The following SON variants were observed in gnomAD, a reference collection of about 807,000 sequenced individuals.
SON encodes protein SON.
Under a neutral mutation model 173.3 loss-of-function variants are expected in SON, and 4 were observed. The ratio of observed to expected loss-of-function variants is 0.02; its 90% CI spans 0.01 to 0.05. The LOEUF (loss-of-function observed/expected upper bound fraction) is 0.05, where lower values mean the gene tolerates loss of function less well. Among genes scored for constraint, SON ranks in the 10% least tolerant of loss-of-function variants. The pLI, the probability that SON is intolerant of heterozygous loss-of-function variation, is 1.00. For missense variants in SON, 2,626 were observed against 3,055.3 expected (o/e 0.86, Z 3.31); for synonymous variants, 1,190 against 1,105.9 (o/e 1.08, Z -1.51).
intron 6 of SON, 140 bp from the exon 7 acceptor site, chr21:33,567,017 C>T (rs2086187250): frequency 3.9e-6 from 2 of 510,884 alleles, no homozygotes; most frequent in South Asian, 4.0e-5. Flanking sequence ...CTTTCTGAGT[C>T]TTCTCCCTGT....
In SON at chr21:33,554,263, G is replaced by C. The variant is rs1185259092; in HGVS notation, c.5032G>C (p.Asp1678His). The change falls in exon 3 of 12, where the codon GAT (aspartate) becomes CAT (histidine). Residue 1678 changes from aspartate (D) to histidine (H), a missense_variant. Transcript: ENST00000356577. ...LPSNNNLVSK[D>H]TEEPLPVKES... is the part of the protein sequence containing the mutation. ...ATCTAATAATAACCTTGTTAGTAAG[G>C]ATACAGAAGAACCATTACCTGTAAA... The C allele has an allele frequency of 1.2e-6, 2 of 1,614,088 alleles. No individual in the cohort carries two copies. The highest frequency in any genetic ancestry group is 2.2e-5 in the South Asian group (2 of 91,082).
At chr21:33,570,323 A>G (rs1186791704) in intron 8 of SON, 2 of 152,158 alleles carry the variant, frequency 1.3e-5, no homozygotes, top group African/African-American at 4.8e-5. Context: ...AAAATGAGAC[A>G]TTGGTTGCTT....
Position 33,551,243 on chromosome 21 carries a change from A to G in SON, c.2012A>G (p.Gln671Arg). ...GAGCTGTCAACGATGACCGTGTCGC[A>G]GTCCCTGGAGGTGCCCTCGACGACA... ...TSELSTMTVS[Q>R]SLEVPSTTAL... is the part of the protein sequence containing the mutation. Residue 671 changes from glutamine to arginine, a missense_variant, in exon 3 of 12, where the codon CAG becomes CGG. Gln to Arg is a conservative substitution (Grantham distance 43). Transcript: ENST00000356577. 1 of 1,614,036 alleles carries G rather than the reference A, an allele frequency of 6.2e-7. No individual in the cohort carries two copies. The highest frequency in any genetic ancestry group is 1.3e-5 in the African/African-American group (1 of 74,996).
intron 1 of SON, chr21:33,543,405 C>G: frequency 1.7e-6 from 1 of 571,476 alleles, no homozygotes; most frequent in Non-Finnish European, 3.1e-6. Context: ...TGTTTCAGAA[C>G]CGAGTTAAGA....
intron 8 of SON, among the ~76,000 whole-genome samples, chr21:33,571,033 T>C (rs1281061324): frequency 2.6e-5 from 4 of 152,218 alleles, no homozygotes; most frequent in African/African-American, 9.6e-5. Flanking sequence ...AAATGTTTAG[T>C]AGCACCTTGA....
At position 33,551,960 on chromosome 21, in the gene SON, C is replaced by T; in HGVS notation, c.2729C>T (p.Ser910Phe). The T allele has an allele frequency of 6.2e-7, 1 of 1,614,142 alleles. No homozygotes were observed. The highest frequency in any genetic ancestry group is 8.5e-7 in the Non-Finnish European group (1 of 1,180,002). ...GATTCTGCTATGTTGGGTTCAAAAT[C>T]TCCTGATCCCTATAGGTTAGCTCAG... is the stretch of plus-strand genomic sequence containing the variant. Reference protein sequence around the residue: ...TQDSAMLGSKSPDPYRLAQDP... With the variant: ...TQDSAMLGSKFPDPYRLAQDP... The change falls in exon 3 of 12, where the codon TCT becomes TTT. Residue 910 changes from serine to phenylalanine, a missense_variant. By Grantham distance (155) the Ser-to-Phe change is radical (BLOSUM62 -2). Transcript: ENST00000356577.
intron 6 of SON, chr21:33,560,639 C>CT: frequency 1.1e-6 from 1 of 947,852 alleles, no homozygotes; most frequent in South Asian, 4.9e-5. Flanking sequence ...TTTGCTGTAT[C>CT]TTTTAATAAA....
chr21:33,546,449 T>A, intron 2 of SON, 70 bp downstream of exon 2: 1 of 1,285,016 alleles, frequency 7.8e-7, no homozygotes, highest in Non-Finnish European at 1.1e-6. Flanking sequence ...AAGGTTAATG[T>A]TAGTTTTTGA....
intron 1 of SON, among the ~76,000 whole-genome samples, chr21:33,544,944 C>T (rs1475958308): frequency 6.6e-6 from 1 of 152,204 alleles, no homozygotes; most frequent in African/African-American, 2.4e-5. Flanking sequence ...TGCAGCTTCT[C>T]TTCAACACAT....
Position 33,550,056 on chromosome 21 carries a change from G to T in SON, c.825G>T (p.Val275=). The T allele has an allele frequency of 6.2e-7, 1 of 1,614,160 alleles. No individual in the cohort carries two copies. The highest frequency in any genetic ancestry group is 1.3e-5 in the African/African-American group (1 of 75,066). The change falls in exon 3 of 12, where the codon GTG becomes GTT. Residue 275 remains valine (V), a synonymous_variant. Coordinates refer to ENST00000356577, the MANE Select transcript of SON (RefSeq NM_138927.4). ...TMSVEYQMKS[V]LKSVESTSPE... The stretch of plus-strand genomic sequence containing the variant: ...CAGTGGAGTATCAGATGAAGTCTGT[G>T]CTGAAATCTGTGGAGAGCACATCTC...
chr21:33,554,816 G>A lies in SON; in HGVS notation c.5585G>A (p.Arg1862His), dbSNP rs758958383. The change falls in exon 3 of 12, where the codon CGT becomes CAT. Residue 1862 changes from arginine (R) to histidine (H), a missense_variant. Transcript: ENST00000356577. ...SKSKSHRSQT[R>H]SRSRSRRRRR... is the part of the protein sequence containing the mutation. ...TCCAAGTCTCATCGCTCTCAGACAC[G>A]TTCACGGTCACGTTCAAGACGCAGG... The A allele has an allele frequency of 4.3e-6, 7 of 1,613,812 alleles. No homozygotes were observed. The highest frequency in any genetic ancestry group is 4.5e-5 in the East Asian group (2 of 44,898).
Position 33,559,419 on chromosome 21 carries a change from T to G in SON, c.6468+43T>G, listed in dbSNP as rs1398807374. 1 of 1,552,576 alleles carries G rather than the reference T, an allele frequency of 6.4e-7. No homozygotes were observed. The highest frequency in any genetic ancestry group is 8.7e-7 in the Non-Finnish European group (1 of 1,152,106). ...TGGATTGGTAAAACAGTGTAACTTG[T>G]GGAACTATTTAAATAAAACCCAAAT... On this transcript the variant is annotated intron_variant, in intron 5 of 11. Transcript: ENST00000356577. This position sits in a 1 kb window ranked among gnomAD's most constrained non-coding sequence, Gnocchi z 4.1.
rs375695521 is a variant in SON at position 33,554,960 on chromosome 21, G to T, written c.5729G>T (p.Ser1910Ile). The change falls in exon 3 of 12, where the codon AGC becomes ATC. Residue 1910 changes from serine (S) to isoleucine (I), a missense_variant. Coordinates refer to ENST00000356577, the MANE Select transcript of SON (RefSeq NM_138927.4). Reference protein sequence around the residue: ...KSRERKRKRSSSRDNRKTVRA... With the variant: ...KSRERKRKRSISRDNRKTVRA... ...AGGGAAAGAAAAAGAAAAAGATCAA[G>T]CTCCAGGGATAACCGAAAGACAGTT... 2.5e-6 allele frequency: 4 copies of T among 1,613,836 alleles called. 1 individual carries two copies. In the Admixed American group the frequency reaches 5.0e-5, roughly 20 times the overall value.
chr21:33,570,613 A>G (rs190914447), intron 8 of SON, among the ~76,000 whole-genome samples: 1 of 152,320 alleles, frequency 6.6e-6, no homozygotes, highest in East Asian at 1.9e-4. Context: ...TATAGTTACT[A>G]TGAAAGTGAT....
chr21:33,560,145 T>A (rs1247881733), intron 6 of SON: 7 of 1,607,038 alleles, frequency 4.4e-6, no homozygotes, highest in Middle Eastern at 1.7e-4. Flanking sequence ...ATTTATCGGG[T>A]GGAGGGATTG....
rs367589966 is a variant in SON at position 33,549,534 on chromosome 21, T to A, written c.303T>A (p.Asp101Glu). Residue 101 changes from aspartate (D) to glutamate (E), a missense_variant, in exon 3 of 12, where the codon GAT (aspartate) becomes GAA (glutamate). Asp to Glu is a conservative substitution (Grantham distance 45). Coordinates refer to ENST00000356577, the MANE Select transcript of SON (RefSeq NM_138927.4). Reference sequence around the variant, plus strand: ...TATCTGTACAAACAGATCCTACTGATGAAATTCCCACTAAAAAGTCAAAGA... The same window carrying A: ...TATCTGTACAAACAGATCCTACTGAAGAAATTCCCACTAAAAAGTCAAAGA... ...RCVSVQTDPTDEIPTKKSKKH... is the reference protein window; with the variant it reads ...RCVSVQTDPTEEIPTKKSKKH... 1 of 1,580,794 alleles carries A rather than the reference T, an allele frequency of 6.3e-7. No individual in the cohort carries two copies. Among genetic ancestry groups the A allele is most frequent in the East Asian group, 2.2e-5 (1 of 44,676 alleles).
rs980384712 is a variant in SON, at chr21:33,553,169, A to C, written c.3938A>C (p.Asp1313Ala). The C allele has an allele frequency of 6.2e-7, 1 of 1,614,038 alleles. No individual in the cohort carries two copies. The highest frequency in any genetic ancestry group is 1.3e-5 in the African/African-American group (1 of 74,922). ...PVMSETAETF[D>A]SMRASGHVAS... ...ATGTCAGAGACAGCAGAAACATTTG[A>C]TTCCATGAGAGCCTCAGGACATGTT... Residue 1313 changes from aspartate (D) to alanine (A), a missense_variant, in exon 3 of 12, where the codon GAT (aspartate) becomes GCT (alanine). By Grantham distance (126) the Asp-to-Ala change is moderately radical. Transcript: ENST00000356577.
In SON at chr21:33,552,015, T is replaced by C. The variant is rs770175127; in HGVS notation, c.2784T>C (p.Tyr928=). 6.2e-7 allele frequency: 1 copy of C among 1,614,070 alleles called. No individual in the cohort carries two copies. The highest frequency in any genetic ancestry group is 1.1e-5 in the South Asian group (1 of 91,074). Residue 928 remains tyrosine (Y), a synonymous_variant, in exon 3 of 12, where the codon TAT becomes TAC. Transcript: ENST00000356577. This position sits in a 1 kb window ranked among gnomAD's most constrained non-coding sequence, Gnocchi z 5.6. ...QDPYRLAQDP[Y]RLGHDPYRLG... ...CTTACAGGTTAGCTCAGGATCCCTA[T>C]AGGTTGGGCCATGACCCCTATAGAT...
intron 1 of SON, among the ~76,000 whole-genome samples, chr21:33,544,830 TG>T (rs2085577489): frequency 6.6e-6 from 1 of 152,252 alleles, no homozygotes; most frequent in South Asian, 2.1e-4. Context: ...TTTTCAAATT[TG>T]TCATAATTAT....
Sources: allele counts gnomAD v4.1 joint callset (sites outside exome capture counted in the v4.1 genomes callset), GRCh38; gene constraint gnomAD v4.1.1; non-coding constraint Gnocchi (gnomAD v3.1); transcripts MANE v1.5; gene names NCBI Gene and HGNC (gene_info 2026-07-23, HGNC 2026-07-21).